The following NACA variants were observed in gnomAD, a reference collection of about 807,000 sequenced individuals.
The protein encoded by NACA is nascent polypeptide-associated complex subunit alpha.
In NACA, 42 loss-of-function variants were observed where a neutral mutation model predicts 86.4. The ratio of observed to expected loss-of-function variants is 0.49; its 90% confidence interval spans 0.38 to 0.63. The LOEUF is 0.63. Ranked by LOEUF, NACA falls within the 20% of genes least tolerant of loss-of-function variation. NACA has a pLI of 0.00. For missense variants in NACA, 2,157 were observed against 2,483.6 expected (o/e 0.87, Z 2.80); for synonymous variants, 898 against 973.7 (o/e 0.92, Z 1.45).
chr12:56,718,771 T>C lies in NACA; in HGVS notation c.2759A>G (p.Lys920Arg), dbSNP rs1445074506. Residue 920 changes from lysine to arginine, a missense_variant, in exon 3 of 9, where the codon AAG becomes AGG. Around this residue, in one of 8 missense-constraint regions of NACA, gnomAD observed 174 missense variants for 217.0 expected, o/e 0.80. Coordinates refer to ENST00000454682, the MANE Select transcript of NACA (RefSeq NM_001365896.1). ...TTTAGGGGCTGGAGTTGCTCGGGCC[T>C]TTTTGGGGGAGGAAGAAGTCATGGA... is the stretch of plus-strand genomic sequence containing the variant. ...ALSMTSSSPK[K>R]ARATPAPKGI... is the part of the protein sequence containing the mutation. The C allele has an allele frequency of 6.9e-7, 1 of 1,443,298 alleles. No individual in the cohort carries two copies. The allele number at this position is 1,443,298 out of a possible 1,614,324, so 89.4% of individuals were successfully genotyped here. A position where few individuals can be genotyped will look rare whatever the true frequency, so the allele number is the denominator to read the frequency against.
In NACA at chr12:56,719,018, C is replaced by G; in HGVS notation, c.2512G>C (p.Glu838Gln). Reference protein sequence around the residue: ...VSPVEASFLPENSLSFQGSKD... With the variant: ...VSPVEASFLPQNSLSFQGSKD... ...GAGCCTTGGAAAGAAAGACTATTCT[C>G]TGGAAGAAATGAAGCTTCAACTGGA... The change falls in exon 3 of 9, where the codon GAG becomes CAG. Residue 838 changes from glutamate to glutamine, a missense_variant. This residue lies in a region of NACA where 174 missense variants were observed against 217.0 expected (regional missense o/e 0.80). Transcript: ENST00000454682. The G allele has an allele frequency of 6.9e-7, 1 of 1,447,656 alleles. No homozygotes were observed. The highest frequency in any genetic ancestry group is 9.3e-7 in the Non-Finnish European group (1 of 1,071,474). 89.7% of individuals were successfully genotyped at this position (1,447,656 alleles called of 1,614,324 possible).
At position 56,716,345 on chromosome 12, in the gene NACA, G is replaced by GTCC; in HGVS notation, c.5182_5184dup (p.Gly1728dup). ...GGGGCTGGAGCCACTGTGGAAAGGG[G>GTCC]TCCTTTAGAACCATTCTTAGCTGAG... On this transcript the variant is annotated inframe_insertion, in exon 3 of 9. Coordinates refer to ENST00000454682, the MANE Select transcript of NACA (RefSeq NM_001365896.1). 6.2e-7 allele frequency: 1 copy of GTCC among 1,612,436 alleles called. No individual in the cohort carries two copies.
Position 56,720,901 on chromosome 12 carries a change from C to T in NACA, c.629G>A (p.Ser210Asn). The change falls in exon 3 of 9, where the codon AGT becomes AAT. Residue 210 changes from serine (S) to asparagine (N), a missense_variant. Coordinates refer to ENST00000454682, the MANE Select transcript of NACA (RefSeq NM_001365896.1). Reference sequence around the variant, plus strand: ...AGTCACACAGTGGTAAGGAACAGTACTGACTATACATGGAGGGCTGGGGGT... The same window carrying T: ...AGTCACACAGTGGTAAGGAACAGTATTGACTATACATGGAGGGCTGGGGGT... ...KGTPSPPCIV[S>N]TVPYHCVTPM... The T allele has an allele frequency of 6.2e-7, 1 of 1,613,956 alleles. No homozygotes were observed. The highest frequency in any genetic ancestry group is 8.5e-7 in the Non-Finnish European group (1 of 1,179,878).
At chr12:56,712,976 C>A (rs1183062609) in intron 7 of NACA, 68 bp from the exon 8 acceptor site, 47 of 1,611,582 alleles carry the variant, frequency 2.9e-5, no homozygotes, top group Non-Finnish European at 3.8e-5. Context: ...TTTGGAGTCT[C>A]CTGAATCTAG....
In NACA at chr12:56,719,020, G is replaced by C. The variant is rs1265912556; in HGVS notation, c.2510C>G (p.Pro837Arg). 6.9e-7 allele frequency: 1 copy of C among 1,447,816 alleles called. No individual in the cohort carries two copies. Among genetic ancestry groups the C allele is most frequent in the Admixed American group, 1.8e-5 (1 of 54,940 alleles). The allele number at this position is 1,447,816 out of a possible 1,614,324, so 89.7% of individuals were successfully genotyped here. The stretch of plus-strand genomic sequence containing the variant: ...GCCTTGGAAAGAAAGACTATTCTCT[G>C]GAAGAAATGAAGCTTCAACTGGAGA... The part of the protein sequence containing the change: ...PVSPVEASFL[P>R]ENSLSFQGSK... Residue 837 changes from proline to arginine, a missense_variant, in exon 3 of 9, where the codon CCA becomes CGA. Coordinates refer to ENST00000454682, the MANE Select transcript of NACA (RefSeq NM_001365896.1).
Position 56,713,176 on chromosome 12 carries a change from G to A in NACA, c.5985C>T (p.Ser1995=), listed in dbSNP as rs200948506. The part of the protein sequence containing the change: ...VFGEAKIEDL[S]QQAQLAAAEK... ...CAGCAGCTGCTAGTTGTGCTTGCTG[G>A]GATAAATCTTCGATCTACAGGGTAG... The change falls in exon 7 of 9, where the codon TCC becomes TCT. Residue 1995 remains serine, a synonymous_variant. Coordinates refer to ENST00000454682, the MANE Select transcript of NACA (RefSeq NM_001365896.1). 2.5e-6 allele frequency: 4 copies of A among 1,613,900 alleles called. No homozygotes were observed. The highest frequency in any genetic ancestry group is 3.4e-6 in the Non-Finnish European group (4 of 1,179,992).
In NACA at chr12:56,715,405, G is replaced by A. The variant is rs1953325165; in HGVS notation, c.5659+466C>T. ...GAAAAACAGATTTCTACATTTTTATGAAAAGGGAGTCCCTGGGCAACTGGT... is the reference window on the plus strand; with the variant it reads ...GAAAAACAGATTTCTACATTTTTATAAAAAGGGAGTCCCTGGGCAACTGGT... On this transcript the variant is annotated intron_variant, in intron 3 of 8. Transcript: ENST00000454682. Among the ~76,000 whole-genome samples the A allele has an allele frequency of 2.0e-5, 3 of 152,134 alleles. No homozygotes were observed. In the South Asian group the frequency reaches 6.2e-4, roughly 31 times the overall value.
rs371978815 is a variant in NACA at position 56,717,950 on chromosome 12, C to T, written c.3580G>A (p.Ala1194Thr). The change falls in exon 3 of 9, where the codon GCC becomes ACC. Residue 1194 changes from alanine to threonine, a missense_variant. Physicochemically the swap from Ala to Thr is moderately conservative, Grantham distance 58. Transcript: ENST00000454682. ...GGLATPSPKGAPTTPAATPPS... is the reference protein window; with the variant it reads ...GGLATPSPKGTPTTPAATPPS... ...GGAGTTGCAGCTGGGGTTGTGGGGG[C>T]CCCTTTGGGGGATGGGGTAGCTAGA... The T allele has an allele frequency of 5.5e-6, 6 of 1,092,930 alleles. No homozygotes were observed. In the African/African-American group the frequency reaches 1.3e-4, roughly 23 times the overall value. 67.7% of individuals were successfully genotyped at this position (1,092,930 alleles called of 1,614,324 possible).
chr12:56,720,551 C>T lies in NACA; in HGVS notation c.979G>A (p.Gly327Ser). 2.5e-6 allele frequency: 4 copies of T among 1,613,960 alleles called. No individual in the cohort carries two copies. Among genetic ancestry groups the T allele is most frequent in the Non-Finnish European group, 3.4e-6 (4 of 1,179,874 alleles). ...GTAGGGTCTGACAAAGCACTAGGAC[C>T]TGTTTGACCTAAAAGTTGGACAGAA... Reference protein sequence around the residue: ...FGSVQLLGQTGPSALSDPTVK... With the variant: ...FGSVQLLGQTSPSALSDPTVK... Residue 327 changes from glycine (G) to serine (S), a missense_variant, in exon 3 of 9, where the codon GGT (glycine) becomes AGT (serine). Around this residue, in one of 8 missense-constraint regions of NACA, gnomAD observed 947 missense variants for 917.9 expected, o/e 1.03. Transcript: ENST00000454682.
rs1953576778 is a variant in NACA at position 56,721,512 on chromosome 12, G to T, written c.71-53C>A. ...AAGGGGGAGGGGGAGGAGAAAAAAG[G>T]TGAGTTATGCAGCCCAACTTGGTAC... On this transcript the variant is annotated intron_variant, in intron 2 of 8. Coordinates refer to ENST00000454682, the MANE Select transcript of NACA (RefSeq NM_001365896.1). The T allele has an allele frequency of 3.1e-6, 4 of 1,279,610 alleles. No homozygotes were observed. The East Asian group carries it at 9.5e-5, about 30-fold the overall frequency. 79.3% of individuals were successfully genotyped at this position (1,279,610 alleles called of 1,614,324 possible).
At chr12:56,713,039 T>A in intron 7 of NACA, 23 bp downstream of exon 7, 1 of 1,613,728 alleles carries the variant, frequency 6.2e-7, no homozygotes, top group Non-Finnish European at 8.5e-7. Context: ...GAGAGTTAAA[T>A]TATGAAAGAT....
In NACA at chr12:56,716,480, C is replaced by CAAGA; in HGVS notation, c.5049_5050insTCTT (p.Val1684SerfsTer41). 1 of 1,541,560 alleles carries CAAGA rather than the reference C, an allele frequency of 6.5e-7. No homozygotes were observed. Among genetic ancestry groups the CAAGA allele is most frequent in the Non-Finnish European group, 8.8e-7 (1 of 1,134,702 alleles). On this transcript the variant is annotated frameshift_variant, in exon 3 of 9. Coordinates refer to ENST00000454682, the MANE Select transcript of NACA (RefSeq NM_001365896.1). LOFTEE classifies it high-confidence loss of function. ...CTTTCTGGAGCTGGGGCAACAAGTACTTCTTTCAGAGCTGTGGGGCCTTTC... is the reference window on the plus strand; with the variant it reads ...CTTTCTGGAGCTGGGGCAACAAGTACAAGATTCTTTCAGAGCTGTGGGGCCTTTC...
At chr12:56,714,326 GC>G (rs1390255628) in intron 5 of NACA, 35 bp downstream of exon 5, 14 of 1,596,616 alleles carry the variant, frequency 8.8e-6, no homozygotes, top group Admixed American at 3.3e-5. Flanking sequence ...GTATAAAGGT[GC>G]TTCATAAGAT....
chr12:56,716,639 G>C lies in NACA; in HGVS notation c.4891C>G (p.Pro1631Ala). ...PPSPEKGPAT[P>A]APKGTPTSPP... ...GAAGTGGGAGTCCCTTTGGGGGCTG[G>C]AGTTGCTGGGCCCTTTTCGGGGGAT... The change falls in exon 3 of 9, where the codon CCA becomes GCA. Residue 1631 changes from proline (P) to alanine (A), a missense_variant. By Grantham distance (27) the Pro-to-Ala change is conservative. This residue lies in a region of NACA where 797 missense variants were observed against 777.6 expected (regional missense o/e 1.02). Coordinates refer to ENST00000454682, the MANE Select transcript of NACA (RefSeq NM_001365896.1). 1 of 1,445,482 alleles carries C rather than the reference G, an allele frequency of 6.9e-7. No individual in the cohort carries two copies. Among genetic ancestry groups the C allele is most frequent in the Non-Finnish European group, 9.3e-7 (1 of 1,071,456 alleles). The allele number at this position is 1,445,482 out of a possible 1,614,324, so 89.5% of individuals were successfully genotyped here.
chr12:56,724,499 GTT>G lies in NACA; in HGVS notation c.21_22del (p.Glu7AspfsTer15). ...CAACTCCTGCTCTGTAGCAGGGACG[GTT>G]TCTGTGGCTTCGCCGGGCATTTCTG... On this transcript the variant is annotated frameshift_variant, in exon 2 of 9. Coordinates refer to ENST00000454682, the MANE Select transcript of NACA (RefSeq NM_001365896.1). LOFTEE classifies it high-confidence loss of function. 1 of 1,612,888 alleles carries G rather than the reference GTT, an allele frequency of 6.2e-7. No individual in the cohort carries two copies. Among genetic ancestry groups the G allele is most frequent in the Non-Finnish European group, 8.5e-7 (1 of 1,179,512 alleles).
At position 56,719,620 on chromosome 12, in the gene NACA, T is replaced by C. The variant is rs201981844; in HGVS notation, c.1910A>G (p.Lys637Arg). 3.5e-5 allele frequency: 57 copies of C among 1,613,880 alleles called. No individual in the cohort carries two copies. Among genetic ancestry groups the C allele is most frequent in the Non-Finnish European group, 4.7e-5 (56 of 1,179,854 alleles). ...AGPDSAGPLL[K>R]SSLITPTVAA... ...CACTGTTGGGGTAATGAGAGAACTT[T>C]TGAGAAGCGGACCAGCAGAGTCTGG... is the stretch of plus-strand genomic sequence containing the variant. Residue 637 changes from lysine to arginine, a missense_variant, in exon 3 of 9, where the codon AAA (lysine) becomes AGA (arginine). Lys to Arg is a conservative substitution (Grantham distance 26, BLOSUM62 2). This residue lies in a region of NACA where 947 missense variants were observed against 917.9 expected (regional missense o/e 1.03). Transcript: ENST00000454682.
At chr12:56,715,730 T>G in intron 3 of NACA, 141 bp downstream of exon 3, 1 of 757,496 alleles carries the variant, frequency 1.3e-6, no homozygotes, top group Non-Finnish European at 1.9e-6. Flanking sequence ...GCATTTAAAA[T>G]TATCATTCTA....
chr12:56,724,601 A>G (rs1000338432), intron 1 of NACA, 78 bp from the exon 2 acceptor site: 2 of 1,468,162 alleles, frequency 1.4e-6, no homozygotes, highest in Non-Finnish European at 1.9e-6. Context: ...AAGTATTCTT[A>G]AAAACTCCGA....
chr12:56,720,854 C>T lies in NACA; in HGVS notation c.676G>A (p.Gly226Arg), dbSNP rs780993125. ...GTTGTCTGAGGAAGGGAGGCCACTC[C>T]AGATTGAATAGAGGCCATGGGAGTC... ...CVTPMASIQS[G>R]VASLPQTTPT... Residue 226 changes from glycine to arginine, a missense_variant, in exon 3 of 9, where the codon GGA becomes AGA. By Grantham distance (125) the Gly-to-Arg change is moderately radical (BLOSUM62 -2). Around this residue, in one of 8 missense-constraint regions of NACA, gnomAD observed 947 missense variants for 917.9 expected, o/e 1.03. Transcript: ENST00000454682. 1.7e-5 allele frequency: 28 copies of T among 1,613,818 alleles called. No individual in the cohort carries two copies. Among genetic ancestry groups the T allele is most frequent in the Non-Finnish European group, 2.3e-5 (27 of 1,179,908 alleles).
Sources: gnomAD v4.1 joint callset for allele counts (sites outside exome capture counted in the v4.1 genomes callset) on GRCh38, gnomAD v4.1.1 for gene constraint, gnomAD v4.1.1 regional missense constraint, MANE v1.5 for transcripts, NCBI Gene and HGNC (gene_info 2026-07-23, HGNC 2026-07-21) for gene names.